NOTUM: variants seen among roughly 807,000 people sequenced by gnomAD.
NOTUM encodes palmitoleoyl-protein carboxylesterase NOTUM.
Under a neutral mutation model 65.5 loss-of-function variants are expected in NOTUM, and 36 were observed. The ratio of observed to expected loss-of-function variants is 0.55; its 90% CI spans 0.42 to 0.73. NOTUM has a LOEUF of 0.73. Ranked by LOEUF, NOTUM falls within the 30% of genes least tolerant of loss-of-function variation. The probability of loss-of-function intolerance (pLI) is 0.00; values close to 1 mark genes in which losing one functional copy is unlikely to be tolerated. For missense variants in NOTUM, 659 were observed against 694.2 expected (o/e 0.95, Z 0.57); for synonymous variants, 356 against 297.9 (o/e 1.20, Z -2.01).
rs1567939165 is a variant in NOTUM at position 81,958,381 on chromosome 17, G to A, written c.546C>T (p.Tyr182=). ...CCCCGCTCCAAACATCACTGGAGCA[G>A]TAGGGGATGAAGCTGCAACACAGAA... ...WWNANMVFIP[Y]CSSDVWSGAS... is the part of the protein sequence containing the mutation. The change falls in exon 5 of 11, where the codon TAC becomes TAT. Residue 182 remains tyrosine (Y), a synonymous_variant. Coordinates refer to ENST00000409678, the MANE Select transcript of NOTUM (RefSeq NM_178493.6). 3 of 1,610,072 alleles carry A rather than the reference G, an allele frequency of 1.9e-6. No homozygotes were observed. Among genetic ancestry groups the A allele is most frequent in the African/African-American group, 1.3e-5 (1 of 75,002 alleles).
rs572292020 is a variant in NOTUM at position 81,952,843 on chromosome 17, G to A, written c.*118C>T. ...GGGCAGTGGGCAGACCCAGACAGGG[G>A]GGACGGCTGGGGCCCTGTCCCGAAG... On this transcript the variant is annotated 3_prime_UTR_variant, in exon 11 of 11. Transcript: ENST00000409678. 1 of 889,128 alleles carries A rather than the reference G, an allele frequency of 1.1e-6. No individual in the cohort carries two copies. Among genetic ancestry groups the A allele is most frequent in the East Asian group, 2.5e-5 (1 of 40,456 alleles). The allele number at this position is 889,128 out of a possible 1,614,324, so 55.1% of individuals were successfully genotyped here.
In NOTUM at chr17:81,960,045, A is replaced by G. The variant is rs1335543819; in HGVS notation, c.324-353T>C. Among the ~76,000 whole-genome samples, 1 of 151,812 alleles carries G rather than the reference A, an allele frequency of 6.6e-6. No homozygotes were observed. The highest frequency in any genetic ancestry group is 1.5e-5 in the Non-Finnish European group (1 of 67,894). On this transcript the variant is annotated intron_variant, in intron 1 of 10. Coordinates refer to ENST00000409678, the MANE Select transcript of NOTUM (RefSeq NM_178493.6). This position sits in a 1 kb window ranked among gnomAD's most constrained non-coding sequence, Gnocchi z 6.4. The stretch of plus-strand genomic sequence containing the variant: ...CTGAAGGAGCGCGCTTGGCGGGGGA[A>G]CGGGACGCCGCGGGGAGCGCGGGAG...
At chr17:81,958,481 G>C in intron 4 of NOTUM, 88 bp from the exon 5 acceptor site, 1 of 860,438 alleles carries the variant, frequency 1.2e-6, no homozygotes, top group Non-Finnish European at 2.0e-6. Flanking sequence ...CCTCAGAAAA[G>C]ACCATCCCAG....
At position 81,953,162 on chromosome 17, in the gene NOTUM, C is replaced by T. The variant is rs1004339243; in HGVS notation, c.1290G>A (p.Lys430=). The change falls in exon 11 of 11, where the codon AAG becomes AAA. Residue 430 remains lysine (K), a synonymous_variant. Coordinates refer to ENST00000409678, the MANE Select transcript of NOTUM (RefSeq NM_178493.6). The stretch of plus-strand genomic sequence containing the variant: ...TGTCCACCAGGTGGACGGGGCAGCC[C>T]TTGAGGGGGGTCTTGCTGGCCTTGT... ...DSHKASKTPL[K]GCPVHLVDSC... 8.7e-6 allele frequency: 14 copies of T among 1,613,242 alleles called. No individual in the cohort carries two copies. Among genetic ancestry groups the T allele is most frequent in the Non-Finnish European group, 1.2e-5 (14 of 1,179,626 alleles).
intron 7 of NOTUM, 27 bp downstream of exon 7, chr17:81,956,856 G>C (rs769640604): frequency 6.2e-7 from 1 of 1,601,890 alleles, no homozygotes; most frequent in Non-Finnish European, 8.5e-7. Context: ...GCTGCAGCAC[G>C]AGGACGGGCC....
In NOTUM at chr17:81,956,997, T is replaced by G. The variant is rs772257747; in HGVS notation, c.773A>C (p.Gln258Pro). 1 of 1,612,552 alleles carries G rather than the reference T, an allele frequency of 6.2e-7. No individual in the cohort carries two copies. Among genetic ancestry groups the G allele is most frequent in the Non-Finnish European group, 8.5e-7 (1 of 1,179,908 alleles). Reference sequence around the variant, plus strand: ...GCCGGAGTCAGCCAGGCCTCGCACCTGGATGGCTGGGTAGCCCAGCTTCTC... The same window carrying G: ...GCCGGAGTCAGCCAGGCCTCGCACCGGGATGGCTGGGTAGCCCAGCTTCTC... ...QLEKLGYPAI[Q>P]VRGLADSGWF... The change falls in exon 7 of 11, where the codon CAG becomes CCG. Residue 258 changes from glutamine (Q) to proline (P), a missense_variant. By Grantham distance (76) the Gln-to-Pro change is moderately conservative (BLOSUM62 -1). Transcript: ENST00000409678.
chr17:81,955,435 G>A lies in NOTUM; in HGVS notation c.1098C>T (p.Asn366=). The part of the protein sequence containing the change: ...VQEGLRLYIQ[N]LGRELRHTLK... Reference sequence around the variant, plus strand: ...GTGTGTGGCGCAGCTCGCGGCCGAGGTTCTGGATGTACAGCCGCAGGCCCT... The same window carrying A: ...GTGTGTGGCGCAGCTCGCGGCCGAGATTCTGGATGTACAGCCGCAGGCCCT... The change falls in exon 9 of 11, where the codon AAC becomes AAT. Residue 366 remains asparagine (N), a synonymous_variant. Transcript: ENST00000409678. 6.2e-7 allele frequency: 1 copy of A among 1,600,098 alleles called. No individual in the cohort carries two copies.
At chr17:81,957,962 T>G in intron 5 of NOTUM, 54 bp from the exon 6 acceptor site, 1 of 1,288,458 alleles carries the variant, frequency 7.8e-7, no homozygotes, top group Non-Finnish European at 1.1e-6. Flanking sequence ...GAGAACCACC[T>G]CCTACCCCAG....
intron 8 of NOTUM, 139 bp from the exon 9 acceptor site, chr17:81,955,683 GC>G (rs1473866708): frequency 4.7e-5 from 29 of 615,672 alleles, no homozygotes; most frequent in Non-Finnish European, 5.8e-5. Flanking sequence ...CCCCTGCAGT[GC>G]CCCCCACCCC....
chr17:81,956,790 T>TC (rs1427060660), intron 7 of NOTUM, 40 bp from the exon 8 acceptor site: 2 of 1,590,686 alleles, frequency 1.3e-6, no homozygotes, highest in Non-Finnish European at 1.7e-6. Flanking sequence ...GTGGGTCTCG[T>TC]CCCCCGGGGC....
intron 3 of NOTUM, 59 bp downstream of exon 3, chr17:81,959,412 G>T: frequency 7.6e-7 from 1 of 1,318,926 alleles, no homozygotes; most frequent in Non-Finnish European, 1.1e-6. Context: ...TCCAGGAGGC[G>T]GGCGCGGCTT....
chr17:81,956,486 T>G (rs1318591395), intron 8 of NOTUM, among the ~76,000 whole-genome samples, 164 bp downstream of exon 8: 1 of 151,794 alleles, frequency 6.6e-6, no homozygotes, highest in African/African-American at 2.4e-5. Context: ...TCCTCCCTGG[T>G]ACACAGCCGG....
chr17:81,957,670 C>T (rs763815430), intron 6 of NOTUM, 136 bp downstream of exon 6: 24 of 647,880 alleles, frequency 3.7e-5, no homozygotes, highest in South Asian at 9.2e-5. Context: ...AGCCTCTCAC[C>T]CTCCTAGCCA....
rs1319529861 is a variant in NOTUM, at chr17:81,952,845, G to T, written c.*116C>A. Reference sequence around the variant, plus strand: ...GCAGTGGGCAGACCCAGACAGGGGGGACGGCTGGGGCCCTGTCCCGAAGAG... The same window carrying T: ...GCAGTGGGCAGACCCAGACAGGGGGTACGGCTGGGGCCCTGTCCCGAAGAG... On this transcript the variant is annotated 3_prime_UTR_variant, in exon 11 of 11. Transcript: ENST00000409678. 2.2e-6 allele frequency: 2 copies of T among 906,488 alleles called. No homozygotes were observed. Among genetic ancestry groups the T allele is most frequent in the African/African-American group, 1.6e-5 (1 of 61,040 alleles). 56.2% of individuals were successfully genotyped at this position (906,488 alleles called of 1,614,324 possible). A position where few individuals can be genotyped will look rare whatever the true frequency, so the allele number is the denominator to read the frequency against.
At chr17:81,955,278 G>A (rs1211649457) in intron 9 of NOTUM, 119 bp downstream of exon 9, 7 of 914,830 alleles carry the variant, frequency 7.7e-6, no homozygotes, top group African/African-American at 5.0e-5. Context: ...ACTGCGCCCG[G>A]CCTACAAGAC....
Position 81,953,272 on chromosome 17 carries a change from A to G in NOTUM, c.1185-5T>C, listed in dbSNP as rs755287846. ...ACCTGGACATCCGTCCAGTGGCTGCAGAGGAAAACCGGGGGAGGGGGTCAC... is the reference window on the plus strand; with the variant it reads ...ACCTGGACATCCGTCCAGTGGCTGCGGAGGAAAACCGGGGGAGGGGGTCAC... On this transcript the variant is annotated splice_polypyrimidine_tract_variant and splice_region_variant and intron_variant, in intron 10 of 10. Coordinates refer to ENST00000409678, the MANE Select transcript of NOTUM (RefSeq NM_178493.6). The G allele has an allele frequency of 4.4e-6, 7 of 1,578,232 alleles. No homozygotes were observed. The Admixed American group carries it at 1.1e-4, about 24-fold the overall frequency.
chr17:81,959,218 G>C, intron 3 of NOTUM: 3 of 614,482 alleles, frequency 4.9e-6, no homozygotes, highest in Non-Finnish European at 8.7e-6. Flanking sequence ...TGGACACCAG[G>C]TCTGACCTTG....
At chr17:81,959,749 CGCGCGCCCA>C (rs1182071661) in intron 1 of NOTUM, 57 bp from the exon 2 acceptor site, 3 of 1,109,500 alleles carry the variant, frequency 2.7e-6, no homozygotes, top group Non-Finnish European at 3.5e-6. Flanking sequence ...CGCCGCGCCC[CGCGCGCCCA>C]GCTCCGGCGG....
chr17:81,958,548 T>A (rs903701642), intron 4 of NOTUM, among the ~76,000 whole-genome samples, 155 bp from the exon 5 acceptor site: 6 of 146,094 alleles, frequency 4.1e-5, no homozygotes, highest in African/African-American at 1.6e-4. Context: ...AAGAAAGACC[T>A]CCAGCGTAAT....
Sources: gnomAD v4.1 joint callset for allele counts (sites outside exome capture counted in the v4.1 genomes callset) on GRCh38, gnomAD v4.1.1 for gene constraint, Gnocchi (gnomAD v3.1) non-coding constraint, MANE v1.5 for transcripts, NCBI Gene and HGNC (gene_info 2026-07-23, HGNC 2026-07-21) for gene names.